RFX5: variants seen among roughly 807,000 people sequenced by gnomAD.
RFX5 encodes regulatory factor X5, also known as DNA-binding protein RFX5.
RFX5 carries 30 observed loss-of-function variants against 41.2 expected under a neutral mutation model. The observed-to-expected ratio is 0.73, with a 90% confidence interval of 0.54 to 0.99. The LOEUF (loss-of-function observed/expected upper bound fraction) is 0.99. Ranked by LOEUF, RFX5 falls within the 50% of genes least tolerant of loss-of-function variation. The pLI, the probability that RFX5 is intolerant of heterozygous loss-of-function variation, is 0.00. For missense variants in RFX5, 715 were observed against 773.6 expected, an observed-to-expected ratio of 0.92 and a Z score of 0.90; for synonymous variants, 231 against 291.8, an observed-to-expected ratio of 0.79 and a Z score of 2.12.
chr1:151,342,819 G>A lies in RFX5; in HGVS notation c.1218C>T (p.Leu406=), dbSNP rs1650593751. The change falls in exon 11 of 11, where the codon CTC becomes CTT. Residue 406 remains leucine (L), a synonymous_variant. Coordinates refer to ENST00000452671, the MANE Select transcript of RFX5 (RefSeq NM_001025603.2). ...TGTTCTCTGTGCCCCGGGGCTGAGT[G>A]AGTCCCCCAGGTGGAGCTCGCCCAG... ...PGPGRAPPGG[L]TQPRGTENRE... 1.9e-6 allele frequency: 3 copies of A among 1,614,162 alleles called. No homozygotes were observed. Among genetic ancestry groups the A allele is most frequent in the Non-Finnish European group, 8.5e-7 (1 of 1,180,002 alleles).
Position 151,344,834 on chromosome 1 carries a change from T to C in RFX5, c.247A>G (p.Thr83Ala), listed in dbSNP as rs755544294. 1 of 1,614,134 alleles carries C rather than the reference T, an allele frequency of 6.2e-7. No individual in the cohort carries two copies. The highest frequency in any genetic ancestry group is 8.5e-7 in the Non-Finnish European group (1 of 1,180,010). Residue 83 changes from threonine (T) to alanine (A), a missense_variant, in exon 6 of 11, where the codon ACA becomes GCA. Thr to Ala is a moderately conservative substitution (Grantham distance 58). Transcript: ENST00000452671. ...TACATGTACTCCTCATTGCTCAGTG[T>C]ACTTGGCTCTGAGCTACAGAAACAA... is the stretch of plus-strand genomic sequence containing the variant. ...TTGDKSSEPS[T>A]LSNEEYMYAY...
At position 151,341,190 on chromosome 1, in the gene RFX5, T is replaced by C. The variant is rs1026417030; in HGVS notation, c.*996A>G. The C allele has an allele frequency of 6.6e-6, 1 of 152,034 alleles. No individual in the cohort carries two copies. Among genetic ancestry groups the C allele is most frequent in the Non-Finnish European group, 1.5e-5 (1 of 68,002 alleles). The allele number at this position is 152,034 out of a possible 1,614,324, so 9.4% of individuals were successfully genotyped here. A position where few individuals can be genotyped will look rare whatever the true frequency, so the allele number is the denominator to read the frequency against. ...GAAAAGGAAGGAGCTCCATCTCTAATATGGAGGTAGAAAAAAAGGGACTAT... is the reference window on the plus strand; with the variant it reads ...GAAAAGGAAGGAGCTCCATCTCTAACATGGAGGTAGAAAAAAAGGGACTAT... On this transcript the variant is annotated 3_prime_UTR_variant, in exon 11 of 11. Transcript: ENST00000452671.
At position 151,342,448 on chromosome 1, in the gene RFX5, A is replaced by C. The variant is rs1459108446; in HGVS notation, c.1589T>G (p.Leu530Arg). 1.2e-6 allele frequency: 2 copies of C among 1,614,162 alleles called. No individual in the cohort carries two copies. Among genetic ancestry groups the C allele is most frequent in the Admixed American group, 3.3e-5 (2 of 60,018 alleles). Residue 530 changes from leucine (L) to arginine (R), a missense_variant, in exon 11 of 11, where the codon CTT becomes CGT. Leu to Arg is a moderately radical substitution (Grantham distance 102, BLOSUM62 -2). Transcript: ENST00000452671. Reference sequence around the variant, plus strand: ...AGTACCATCTCCCTGACCCTGGGCAAGTACTGCCCCCTTTTCAGCCTCTCC... The same window carrying C: ...AGTACCATCTCCCTGACCCTGGGCACGTACTGCCCCCTTTTCAGCCTCTCC... ...PMGEAEKGAV[L>R]AQGQGDGTVS...
In RFX5 at chr1:151,342,838, C is replaced by CGCCCAG. The variant is rs1557830948; in HGVS notation, c.1193_1198dup (p.Pro398_Gly399dup). ...CTGAGTGAGTCCCCCAGGTGGAGCT[C>CGCCCAG]GCCCAGGCCCAGGTCCAGGTCCAGG... On this transcript the variant is annotated inframe_insertion, in exon 11 of 11. Coordinates refer to ENST00000452671, the MANE Select transcript of RFX5 (RefSeq NM_001025603.2). The CGCCCAG allele has an allele frequency of 3.1e-6, 5 of 1,614,102 alleles. No homozygotes were observed. In the Admixed American group the frequency reaches 6.7e-5, roughly 22 times the overall value.
chr1:151,346,993 G>C (rs1267607125), intron 1 of RFX5: 1 of 152,676 alleles, frequency 6.5e-6, no homozygotes, highest in Non-Finnish European at 1.5e-5. Context: ...TGGAGCGGGG[G>C]TGGGGCGGGG....
At position 151,342,808 on chromosome 1, in the gene RFX5, C is replaced by T. The variant is rs774918872; in HGVS notation, c.1229G>A (p.Arg410Gln). 31 of 1,614,008 alleles carry T rather than the reference C, an allele frequency of 1.9e-5. No individual in the cohort carries two copies. The East Asian group carries it at 2.0e-4, about 10-fold the overall frequency. The change falls in exon 11 of 11, where the codon CGG becomes CAG. Residue 410 changes from arginine (R) to glutamine (Q), a missense_variant. Physicochemically the swap from Arg to Gln is conservative, Grantham distance 43. Transcript: ENST00000452671. ...GCCTACCTCTCTGTTCTCTGTGCCC[C>T]GGGGCTGAGTGAGTCCCCCAGGTGG... ...RAPPGGLTQP[R>Q]GTENREVGIG... is the part of the protein sequence containing the mutation.
rs762996695 is a variant in RFX5, at chr1:151,342,183, G to T, written c.*3C>A. 1.2e-6 allele frequency: 2 copies of T among 1,614,180 alleles called. No homozygotes were observed. Among genetic ancestry groups the T allele is most frequent in the Admixed American group, 1.7e-5 (1 of 60,018 alleles). Reference sequence around the variant, plus strand: ...TATAAACACTCTTCCCCACAGACCTGTATCATGGGGGTGTTGCTTTTGGGT... The same window carrying T: ...TATAAACACTCTTCCCCACAGACCTTTATCATGGGGGTGTTGCTTTTGGGT... On this transcript the variant is annotated 3_prime_UTR_variant, in exon 11 of 11. Transcript: ENST00000452671.
Position 151,344,787 on chromosome 1 carries a change from G to A in RFX5, c.294C>T (p.Asn98=). 1 of 1,613,932 alleles carries A rather than the reference G, an allele frequency of 6.2e-7. No homozygotes were observed. The highest frequency in any genetic ancestry group is 8.5e-7 in the Non-Finnish European group (1 of 1,179,984). The change falls in exon 6 of 11, where the codon AAC becomes AAT. Residue 98 remains asparagine, a synonymous_variant. Coordinates refer to ENST00000452671, the MANE Select transcript of RFX5 (RefSeq NM_001025603.2). ...EYMYAYRWIR[N]HLEEHTDTCL... is the part of the protein sequence containing the mutation. Reference sequence around the variant, plus strand: ...AGGTGTCAGTGTGCTCTTCCAGGTGGTTGCGGATCCACCTATAGGCATACA... The same window carrying A: ...AGGTGTCAGTGTGCTCTTCCAGGTGATTGCGGATCCACCTATAGGCATACA...
chr1:151,342,994 GGA>G lies in RFX5; in HGVS notation c.1041_1042del (p.Pro348ThrfsTer21). On this transcript the variant is annotated frameshift_variant, in exon 11 of 11. Transcript: ENST00000452671. LOFTEE classifies it high-confidence loss of function. Reference sequence around the variant, plus strand: ...AGAAAGCCTGGGGGCCAGAATAGGTGGAGAGACTGGGATTGGCGGAATTAGTG... The same window carrying G: ...AGAAAGCCTGGGGGCCAGAATAGGTGGAGACTGGGATTGGCGGAATTAGTG... The G allele has an allele frequency of 6.2e-7, 1 of 1,614,052 alleles. No homozygotes were observed. Among genetic ancestry groups the G allele is most frequent in the Non-Finnish European group, 8.5e-7 (1 of 1,179,972 alleles).
intron 4 of RFX5, chr1:151,345,467 C>T (rs1650934884): frequency 2.6e-6 from 1 of 383,338 alleles, no homozygotes; most frequent in Non-Finnish European, 5.0e-6. Flanking sequence ...AAAAAATTAG[C>T]TGGGTGTGGT....
chr1:151,344,370 G>A, intron 7 of RFX5, 47 bp downstream of exon 7: 1 of 1,614,144 alleles, frequency 6.2e-7, no homozygotes, highest in African/African-American at 1.3e-5. Flanking sequence ...CACATCCTAA[G>A]TCTTCCTCCC....
In RFX5 at chr1:151,343,451, G is replaced by A. The variant is rs758626785; in HGVS notation, c.758-9C>T. 1.8e-5 allele frequency: 29 copies of A among 1,613,102 alleles called. No homozygotes were observed. The highest frequency in any genetic ancestry group is 1.7e-4 in the Middle Eastern group (1 of 6,030). ...TGCATGTTCGTCCTCTTCTGCAGAG[G>A]TACCAAAAAGGTAATAGAGTGAAGG... On this transcript the variant is annotated splice_polypyrimidine_tract_variant and intron_variant, in intron 9 of 10. Transcript: ENST00000452671.
At chr1:151,345,484 C>G in intron 4 of RFX5, 1 of 370,834 alleles carries the variant, frequency 2.7e-6, no homozygotes, top group East Asian at 6.7e-5. Flanking sequence ...TGGTGACGGG[C>G]GCCTGTAGTC....
At chr1:151,345,878 C>T in intron 4 of RFX5, 50 bp downstream of exon 4, 3 of 1,612,376 alleles carry the variant, frequency 1.9e-6, no homozygotes. Flanking sequence ...TCACATCCTC[C>T]TCCCTCAGCA....
At chr1:151,345,453 C>CA (rs1014605710) in intron 4 of RFX5, 92 of 377,446 alleles carry the variant, frequency 2.4e-4, no homozygotes, top group East Asian at 5.6e-4. Context: ...ACTAAAAATA[C>CA]AAAAAAAAAT....
At position 151,344,513 on chromosome 1, in the gene RFX5, C is replaced by G. The variant is rs199838456; in HGVS notation, c.377G>C (p.Cys126Ser). 7 of 1,614,208 alleles carry G rather than the reference C, an allele frequency of 4.3e-6. No homozygotes were observed. The Admixed American group carries it at 8.3e-5, about 19-fold the overall frequency. ...AYRKYCESLACCRPLSTANFG... is the reference protein window; with the variant it reads ...AYRKYCESLASCRPLSTANFG... Reference sequence around the variant, plus strand: ...GTTGGCTGTGCTGAGTGGGCGGCAACAGGCAAGACTCTCACAGTACTTCCT... The same window carrying G: ...GTTGGCTGTGCTGAGTGGGCGGCAAGAGGCAAGACTCTCACAGTACTTCCT... The change falls in exon 7 of 11, where the codon TGT becomes TCT. Residue 126 changes from cysteine to serine, a missense_variant. Physicochemically the swap from Cys to Ser is moderately radical, Grantham distance 112. Coordinates refer to ENST00000452671, the MANE Select transcript of RFX5 (RefSeq NM_001025603.2).
In RFX5 at chr1:151,344,863, G is replaced by T. The variant is rs1650866436; in HGVS notation, c.234-16C>A. On this transcript the variant is annotated splice_polypyrimidine_tract_variant and intron_variant, in intron 5 of 10. Coordinates refer to ENST00000452671, the MANE Select transcript of RFX5 (RefSeq NM_001025603.2). ...TGGCTCTGAGCTACAGAAACAAAAG[G>T]AACAAGCATTACTAAGACCCTAACA... 1 of 1,613,996 alleles carries T rather than the reference G, an allele frequency of 6.2e-7. No individual in the cohort carries two copies. The highest frequency in any genetic ancestry group is 8.5e-7 in the Non-Finnish European group (1 of 1,180,038).
At chr1:151,344,100 T>C (rs1650775485) in intron 8 of RFX5, 97 bp downstream of exon 8, 3 of 1,270,674 alleles carry the variant, frequency 2.4e-6, no homozygotes, top group Non-Finnish European at 2.3e-6. Context: ...GCTATGTACA[T>C]AATGACTGAG....
Position 151,344,711 on chromosome 1 carries a change from C to G in RFX5, c.353+17G>C. On this transcript the variant is annotated intron_variant, in intron 6 of 10. Coordinates refer to ENST00000452671, the MANE Select transcript of RFX5 (RefSeq NM_001025603.2). ...GCCCACCAATCCACTCATCCCACCA[C>G]CCACCCCTCCACCCACCGATAGGCA... 6.5e-7 allele frequency: 1 copy of G among 1,547,242 alleles called. No homozygotes were observed.
Sources: allele counts gnomAD v4.1 joint callset, GRCh38; gene constraint gnomAD v4.1.1; transcripts MANE v1.5; gene names NCBI Gene and HGNC (gene_info 2026-07-23, HGNC 2026-07-21).